Variants in DNAJC7 observed in about 807,000 individuals in gnomAD.
DNAJC7 encodes DnaJ heat shock protein family (Hsp40) member C7, also known as dnaJ homolog subfamily C member 7.
In DNAJC7, 18 loss-of-function variants were observed where a neutral mutation model predicts 67.4. The observed-to-expected ratio is 0.27, with a 90% CI of 0.18 to 0.40. The LOEUF is 0.40. Among genes scored for constraint, DNAJC7 ranks in the 10% least tolerant of loss-of-function variants. The pLI is 1.00. For synonymous variants in DNAJC7, 220 were observed against 207.8 expected (o/e 1.06, Z -0.50); for missense variants, 419 against 613.8 (o/e 0.68, Z 3.35).
At chr17:42,013,957 C>A (rs1460485753) in intron 1 of DNAJC7, 1 of 151,950 alleles carries the variant, frequency 6.6e-6, no homozygotes, top group Admixed American at 6.6e-5. Flanking sequence ...CCATGCCTGG[C>A]TAATTTTTTT....
At chr17:41,983,704 G>C in intron 9 of DNAJC7, 68 bp from the exon 10 acceptor site, 3 of 1,402,346 alleles carry the variant, frequency 2.1e-6, no homozygotes. Flanking sequence ...GATCACTCTA[G>C]GGCAAGAGGC....
At chr17:41,995,040 T>A in intron 4 of DNAJC7, 96 bp from the exon 5 acceptor site, 1 of 1,009,998 alleles carries the variant, frequency 9.9e-7, no homozygotes, top group Non-Finnish European at 1.6e-6. Flanking sequence ...TTGAATTCAG[T>A]AAATATACCA....
At chr17:41,981,791 T>C in intron 12 of DNAJC7, 64 bp downstream of exon 12, 2 of 1,585,270 alleles carry the variant, frequency 1.3e-6, no homozygotes, top group Non-Finnish European at 1.7e-6. Flanking sequence ...CTGGAGCATC[T>C]TTGGAAAAAA....
At chr17:41,978,811 C>T (rs888606130) in intron 12 of DNAJC7, among the ~76,000 whole-genome samples, 18 of 152,064 alleles carry the variant, frequency 1.2e-4, no homozygotes, top group Admixed American at 5.9e-4. Context: ...ACCCGGGAGG[C>T]GGAGCTTGCA....
At chr17:42,000,636 G>A in intron 1 of DNAJC7, 66 bp from the exon 2 acceptor site, 1 of 1,285,050 alleles carries the variant, frequency 7.8e-7, no homozygotes, top group Non-Finnish European at 1.1e-6. Context: ...AATCTTACAG[G>A]AGGAATCTTT....
chr17:42,009,798 T>C (rs2052069021), intron 1 of DNAJC7, among the ~76,000 whole-genome samples: 1 of 152,190 alleles, frequency 6.6e-6, no homozygotes, highest in Non-Finnish European at 1.5e-5. Context: ...TCTCCCACTA[T>C]AGGGACACCA....
intron 1 of DNAJC7, chr17:42,017,059 A>G: frequency 1.5e-6 from 2 of 1,368,820 alleles, no homozygotes; most frequent in South Asian, 1.5e-5. Context: ...GACCTCTGAA[A>G]TTGCCCTCGG....
At chr17:42,007,035 G>C (rs2051984294) in intron 1 of DNAJC7, among the ~76,000 whole-genome samples, 1 of 150,942 alleles carries the variant, frequency 6.6e-6, no homozygotes, top group Non-Finnish European at 1.5e-5. Context: ...CCGGGAGATG[G>C]AGCTTGCGGT....
intron 12 of DNAJC7, among the ~76,000 whole-genome samples, chr17:41,981,128 C>T (rs782111626): frequency 4.6e-5 from 7 of 152,034 alleles, no homozygotes; most frequent in Non-Finnish European, 1.0e-4. Flanking sequence ...CTCCACCTCC[C>T]GGGTTCAAGT....
chr17:41,991,633 G>A (rs1386978722), intron 5 of DNAJC7, among the ~76,000 whole-genome samples: 1 of 152,162 alleles, frequency 6.6e-6, no homozygotes, highest in Non-Finnish European at 1.5e-5. Flanking sequence ...GAGAGGACAA[G>A]TTTGAGGGGA....
rs547019735 is a variant in DNAJC7, at chr17:41,988,972, A to G, written c.754-76T>C. The stretch of plus-strand genomic sequence containing the variant: ...CCATTGCACAGAGAGGCCAGACTCT[A>G]TTTTCAAGTTCTTTGCTTCCAGCAG... On this transcript the variant is annotated intron_variant, in intron 7 of 13. Coordinates refer to ENST00000457167, the MANE Select transcript of DNAJC7 (RefSeq NM_003315.4). 1,627 of 1,536,648 alleles carry G rather than the reference A, an allele frequency of 1.1e-3. 2 individuals carry two copies. Among genetic ancestry groups the G allele is most frequent in the Non-Finnish European group, 1.3e-3 (1,532 of 1,138,122 alleles).
rs2051658014 is a variant in DNAJC7 at position 41,996,357 on chromosome 17, T to C, written c.359A>G (p.Gln120Arg). The C allele has an allele frequency of 1.2e-5, 20 of 1,614,018 alleles. No homozygotes were observed. The highest frequency in any genetic ancestry group is 1.7e-4 in the Middle Eastern group (1 of 6,050). The part of the protein sequence containing the change: ...GNAMAACRSF[Q>R]RALELDHKNA... ...TTTATGATCCAGTTCTAGGGCTCTC[T>C]GGAAGCTGCGACATGCTGCCATGGC... The change falls in exon 4 of 14, where the codon CAG (glutamine) becomes CGG (arginine). Residue 120 changes from glutamine (Q) to arginine (R), a missense_variant. Physicochemically the swap from Gln to Arg is conservative, Grantham distance 43 (BLOSUM62 1). This residue lies in a region of DNAJC7 where 179 missense variants were observed against 249.7 expected (regional missense o/e 0.72). Transcript: ENST00000457167.
At chr17:41,986,601 G>A (rs187316045) in intron 9 of DNAJC7, among the ~76,000 whole-genome samples, 7 of 144,580 alleles carry the variant, frequency 4.8e-5, no homozygotes, top group South Asian at 2.2e-4. Flanking sequence ...AGCATTTTGC[G>A]TCTGTTAAAG....
chr17:41,983,509 T>C (rs550163769), intron 10 of DNAJC7, 54 bp downstream of exon 10: 2 of 1,463,960 alleles, frequency 1.4e-6, no homozygotes, highest in Admixed American at 2.0e-5. Context: ...TGTACAGATT[T>C]ATGGCCTACG....
chr17:41,996,520 GGC>G, intron 3 of DNAJC7, 96 bp from the exon 4 acceptor site: 1 of 1,050,420 alleles, frequency 9.5e-7, no homozygotes, highest in East Asian at 2.6e-5. Context: ...CCAACACAGA[GGC>G]CAGGCGCGGT....
At chr17:42,012,781 A>G (rs1161330270) in intron 1 of DNAJC7, among the ~76,000 whole-genome samples, 2 of 152,104 alleles carry the variant, frequency 1.3e-5, no homozygotes, top group African/African-American at 2.4e-5. Flanking sequence ...GCCAACTAAT[A>G]TATCTTTTAT....
intron 5 of DNAJC7, among the ~76,000 whole-genome samples, chr17:41,991,065 A>G (rs781458514): frequency 2.6e-5 from 4 of 152,152 alleles, no homozygotes; most frequent in Non-Finnish European, 5.9e-5. Flanking sequence ...ACACACACAA[A>G]AAGGTGGGGA....
chr17:42,011,242 A>G (rs1598154415), intron 1 of DNAJC7: 1 of 152,236 alleles, frequency 6.6e-6, no homozygotes, highest in Non-Finnish European at 1.5e-5. Flanking sequence ...CCCAGTACTC[A>G]GCTTTTCAAA....
intron 2 of DNAJC7, among the ~76,000 whole-genome samples, chr17:41,997,674 G>A (rs1337090905): frequency 1.3e-5 from 2 of 152,074 alleles, no homozygotes; most frequent in Non-Finnish European, 2.9e-5. Flanking sequence ...TATCTGTAAC[G>A]CTCATAAACT....
Sources: allele counts gnomAD v4.1 joint callset (sites outside exome capture counted in the v4.1 genomes callset), GRCh38; gene constraint gnomAD v4.1.1; regional missense constraint gnomAD v4.1.1; transcripts MANE v1.5; gene names NCBI Gene and HGNC (gene_info 2026-07-23, HGNC 2026-07-21).